Variants in STX8 observed in about 807,000 individuals in gnomAD.
The protein encoded by STX8 is syntaxin 8, also known as syntaxin-8.
Under a neutral mutation model 37.5 loss-of-function variants are expected in STX8, and 23 were observed. That is an observed-to-expected ratio of 0.61 (90% CI 0.44 to 0.87). STX8 has a LOEUF of 0.87. STX8 is among the 40% of genes least tolerant of loss of function. The pLI is 0.00. For synonymous variants in STX8, 115 were observed against 99.1 expected, an observed-to-expected ratio of 1.16 and a Z score of -0.95; for missense variants, 313 against 284.7, an observed-to-expected ratio of 1.10 and a Z score of -0.71.
intron 7 of STX8, among the ~76,000 whole-genome samples, chr17:9,331,202 C>T (rs145884050): frequency 2.0e-5 from 3 of 152,268 alleles, no homozygotes; most frequent in Non-Finnish European, 4.4e-5. Flanking sequence ...GGATACGCTA[C>T]GAAACCAGCA....
At chr17:9,311,034 C>T (rs1457806860) in intron 7 of STX8, among the ~76,000 whole-genome samples, 2 of 151,972 alleles carry the variant, frequency 1.3e-5, no homozygotes, top group East Asian at 1.9e-4. Flanking sequence ...GTCAGGAGTT[C>T]GAGACCAGCC....
At chr17:9,283,387 A>G (rs1234165235) in intron 7 of STX8, 1 of 152,154 alleles carries the variant, frequency 6.6e-6, no homozygotes, top group Non-Finnish European at 1.5e-5. Context: ...CTAAAACTAC[A>G]AAAATTAGCC....
chr17:9,547,704 T>C (rs920541636), intron 3 of STX8, among the ~76,000 whole-genome samples: 1 of 150,846 alleles, frequency 6.6e-6, no homozygotes, highest in Admixed American at 6.6e-5. Context: ...CCTATCAGAT[T>C]AGGAAACTGA....
At chr17:9,496,480 T>C (rs1047524946) in intron 5 of STX8, among the ~76,000 whole-genome samples, 3 of 152,142 alleles carry the variant, frequency 2.0e-5, no homozygotes, top group Admixed American at 6.5e-5. Flanking sequence ...AAGAGGGCAA[T>C]TGTAACATAC....
intron 6 of STX8, among the ~76,000 whole-genome samples, chr17:9,445,952 C>T (rs984391641): frequency 2.7e-5 from 4 of 150,924 alleles, no homozygotes; most frequent in Non-Finnish European, 4.4e-5. Flanking sequence ...ATTCCCGACT[C>T]GGCCTCCCGA....
rs548102068 is a variant in STX8, at chr17:9,372,851, C to G, written c.643+5701G>C. ...AGGCGCGGTGGCTCACGCCTGTAAT[C>G]CCAAAACTTTGGTAGGCTGAGGTGG... On this transcript the variant is annotated intron_variant, in intron 7 of 7. Coordinates refer to ENST00000306357, the MANE Select transcript of STX8 (RefSeq NM_004853.3). 4.9e-3 allele frequency among the ~76,000 whole-genome samples: 733 copies of G among 149,594 alleles called. 3 individuals carry two copies. Among genetic ancestry groups the G allele is most frequent in the South Asian group, 0.018 (87 of 4,714 alleles).
rs78722655 is a variant in STX8 at position 9,431,457 on chromosome 17, T to G, written c.542-52804A>C. On this transcript the variant is annotated intron_variant, in intron 6 of 7. Transcript: ENST00000306357. ...TGTTGTTGTTGTTGTTGTTTTGTTT[T>G]TTTTGTTTTTTTGTTTTTTAGTAGA... is the stretch of plus-strand genomic sequence containing the variant. Among the ~76,000 whole-genome samples, 447 of 149,782 alleles carry G rather than the reference T, an allele frequency of 3.0e-3. 2 individuals carry two copies. Among genetic ancestry groups the G allele is most frequent in the African/African-American group, 0.01 (414 of 40,396 alleles).
chr17:9,316,721 C>T (rs1035959372), intron 7 of STX8, among the ~76,000 whole-genome samples: 1 of 152,136 alleles, frequency 6.6e-6, no homozygotes, highest in Non-Finnish European at 1.5e-5. Context: ...AGCAAATAAT[C>T]GAACCCAAGG....
intron 6 of STX8, among the ~76,000 whole-genome samples, chr17:9,444,845 G>T (rs993080743): frequency 1.8e-4 from 28 of 152,170 alleles, no homozygotes; most frequent in Non-Finnish European, 2.1e-4. Context: ...CCCCGGAAAA[G>T]AATTGAAACA....
intron 6 of STX8, among the ~76,000 whole-genome samples, chr17:9,404,675 G>A (rs573889409): frequency 2.6e-5 from 4 of 152,162 alleles, no homozygotes; most frequent in South Asian, 2.1e-4. Context: ...GGATGGTTTC[G>A]ATCTCCTGAC....
At chr17:9,433,056 A>G (rs1357953251) in intron 6 of STX8, among the ~76,000 whole-genome samples, 1 of 152,224 alleles carries the variant, frequency 6.6e-6, no homozygotes, top group Non-Finnish European at 1.5e-5. Context: ...GCAGTCAGGG[A>G]AACCAGTTGT....
At chr17:9,532,642 A>G (rs969908893) in intron 4 of STX8, among the ~76,000 whole-genome samples, 30 of 152,246 alleles carry the variant, frequency 2.0e-4, no homozygotes, top group Non-Finnish European at 1.5e-5. Context: ...TTTATATTTA[A>G]AAAACATTCT....
intron 6 of STX8, among the ~76,000 whole-genome samples, chr17:9,445,524 T>TGGGGGAG (rs1904813897): frequency 1.2e-4 from 3 of 25,670 alleles, no homozygotes; most frequent in African/African-American, 3.1e-4. Context: ...GGTTGGGGGG[T>TGGGGGAG]GGGGGTGAGG....
chr17:9,432,139 TTC>T (rs753448720), intron 6 of STX8, among the ~76,000 whole-genome samples: 55 of 152,308 alleles, frequency 3.6e-4, no homozygotes, highest in Non-Finnish European at 7.6e-4. Flanking sequence ...GCTTTTCAGA[TTC>T]TCTTTTTCAC....
At chr17:9,270,142 T>C (rs1907395912) in intron 7 of STX8, among the ~76,000 whole-genome samples, 1 of 152,260 alleles carries the variant, frequency 6.6e-6, no homozygotes, top group Non-Finnish European at 1.5e-5. Flanking sequence ...ATATGCAACA[T>C]ATATTTATGT....
intron 7 of STX8, among the ~76,000 whole-genome samples, chr17:9,357,124 T>C (rs887790218): frequency 6.6e-6 from 1 of 151,844 alleles, no homozygotes; most frequent in Non-Finnish European, 1.5e-5. Flanking sequence ...TGTGCCACCA[T>C]GCCTGGCTAA....
intron 7 of STX8, among the ~76,000 whole-genome samples, chr17:9,352,214 C>T: frequency 6.6e-6 from 1 of 150,800 alleles, no homozygotes; most frequent in Non-Finnish European, 1.5e-5. Context: ...GGTTGTCATA[C>T]TCCTGGTGAT....
At chr17:9,558,385 G>C (rs1452083450) in intron 2 of STX8, among the ~76,000 whole-genome samples, 1 of 152,130 alleles carries the variant, frequency 6.6e-6, no homozygotes, top group Non-Finnish European at 1.5e-5. Context: ...CAGTGTGTCA[G>C]AGACTGGCCC....
At chr17:9,380,335 TGCAG>T (rs1223633568) in intron 6 of STX8, among the ~76,000 whole-genome samples, 1 of 147,296 alleles carries the variant, frequency 6.8e-6, no homozygotes, top group Non-Finnish European at 1.5e-5. Context: ...AATAGCTCAC[TGCAG>T]TCTTCAAGGC....
Sources: gnomAD v4.1 joint callset for allele counts (sites outside exome capture counted in the v4.1 genomes callset) on GRCh38, gnomAD v4.1.1 for gene constraint, MANE v1.5 for transcripts, NCBI Gene and HGNC (gene_info 2026-07-23, HGNC 2026-07-21) for gene names.